The following NFIA variants were observed in gnomAD, a reference collection of about 807,000 sequenced individuals.
The protein encoded by NFIA is nuclear factor 1 A-type.
NFIA carries 8 observed loss-of-function variants against 62.8 expected under a neutral mutation model. The observed-to-expected ratio is 0.13, with a 90% CI of 0.07 to 0.23. The LOEUF (loss-of-function observed/expected upper bound fraction) is 0.23, where lower values mean the gene tolerates loss of function less well. NFIA is among the 10% of genes least tolerant of loss of function. The pLI is 1.00. For missense variants in NFIA, 410 were observed against 642.1 expected (o/e 0.64, Z 3.91); for synonymous variants, 235 against 238.1 (o/e 0.99, Z 0.12).
intron 7 of NFIA, among the ~76,000 whole-genome samples, chr1:61,401,707 T>G (rs1214432983): frequency 6.6e-6 from 1 of 152,244 alleles, no homozygotes; most frequent in Non-Finnish European, 1.5e-5. Flanking sequence ...CCTTTGTGTT[T>G]GGCATTCTGC....
intron 2 of NFIA, among the ~76,000 whole-genome samples, chr1:61,144,998 A>C (rs1647822305): frequency 6.6e-6 from 1 of 152,178 alleles, no homozygotes; most frequent in African/African-American, 2.4e-5. Context: ...CATCAGTCAG[A>C]GTATGACATT....
At chr1:61,120,806 G>A (rs1481053748) in intron 2 of NFIA, among the ~76,000 whole-genome samples, 3 of 152,108 alleles carry the variant, frequency 2.0e-5, no homozygotes, top group Admixed American at 6.6e-5. Context: ...AAGGAGAATG[G>A]AAATATTGGA....
chr1:61,422,331 T>C (rs1161349805), intron 9 of NFIA, among the ~76,000 whole-genome samples: 3 of 152,144 alleles, frequency 2.0e-5, no homozygotes, highest in African/African-American at 7.2e-5. Flanking sequence ...TCTTCTTCAG[T>C]CATATTTTTT....
intron 2 of NFIA, among the ~76,000 whole-genome samples, chr1:61,107,709 A>T (rs1055513408): frequency 6.6e-6 from 1 of 151,570 alleles, no homozygotes; most frequent in Admixed American, 6.6e-5. Context: ...TCACATGGTT[A>T]TTGCTTTTTT....
rs972300593 is a variant in NFIA, at chr1:61,460,590, A to G, written c.*5270A>G. Reference sequence around the variant, plus strand: ...TGGTATCTACTTTCCGTTTACTTCAATCCTTGCCTTTTTGGTCATTGTTAT... The same window carrying G: ...TGGTATCTACTTTCCGTTTACTTCAGTCCTTGCCTTTTTGGTCATTGTTAT... On this transcript the variant is annotated 3_prime_UTR_variant, in exon 11 of 11. Transcript: ENST00000403491. 1 of 152,242 alleles carries G rather than the reference A, an allele frequency of 6.6e-6. No individual in the cohort carries two copies. The highest frequency in any genetic ancestry group is 1.5e-5 in the Non-Finnish European group (1 of 68,040). 9.4% of individuals were successfully genotyped at this position (152,242 alleles called of 1,614,324 possible).
At chr1:61,403,939 C>A in intron 7 of NFIA, 165 bp from the exon 8 acceptor site, 1 of 714,546 alleles carries the variant, frequency 1.4e-6, no homozygotes, top group Non-Finnish European at 2.3e-6. Context: ...TGTCTTAGAG[C>A]CTTAAGGAAG....
chr1:61,248,320 G>A (rs760174208), intron 2 of NFIA, among the ~76,000 whole-genome samples: 5 of 152,090 alleles, frequency 3.3e-5, no homozygotes, highest in Admixed American at 2.6e-4. Flanking sequence ...AAAAGGCTTC[G>A]GTGAGATGGA....
rs772060476 is a variant in NFIA, at chr1:61,277,572, C to A, written c.612C>A (p.Asp204Glu). 10 of 1,613,776 alleles carry A rather than the reference C, an allele frequency of 6.2e-6. No individual in the cohort carries two copies. In the South Asian group the frequency reaches 1.1e-4, roughly 18 times the overall value. Residue 204 changes from aspartate (D) to glutamate (E), a missense_variant, in exon 3 of 11, where the codon GAC becomes GAA. Coordinates refer to ENST00000403491, the MANE Select transcript of NFIA (RefSeq NM_001134673.4). Reference protein sequence around the residue: ...PSQPSDADIKDQPENGHLGFQ... With the variant: ...PSQPSDADIKEQPENGHLGFQ... ...AGCCAAGTGACGCTGACATTAAGGA[C>A]CAGCCAGAAAATGGTAAGTTTAGCT... is the stretch of plus-strand genomic sequence containing the variant.
At chr1:61,110,169 C>T (rs1199574132) in intron 2 of NFIA, among the ~76,000 whole-genome samples, 1 of 151,836 alleles carries the variant, frequency 6.6e-6, no homozygotes, top group Non-Finnish European at 1.5e-5. Flanking sequence ...AATGAGATGA[C>T]TCTGCCTGGT....
At chr1:61,180,176 C>A (rs1038275949) in intron 2 of NFIA, among the ~76,000 whole-genome samples, 1 of 152,112 alleles carries the variant, frequency 6.6e-6, no homozygotes, top group African/African-American at 2.4e-5. Context: ...ATTCCTTCAC[C>A]CCACCCACCC....
At chr1:61,122,324 G>A (rs1646900609) in intron 2 of NFIA, among the ~76,000 whole-genome samples, 1 of 152,228 alleles carries the variant, frequency 6.6e-6, no homozygotes. Context: ...GAGTTATAGT[G>A]CAGTAAGACT....
chr1:61,438,069 ATAG>A (rs1411251875), intron 10 of NFIA, among the ~76,000 whole-genome samples: 1 of 152,138 alleles, frequency 6.6e-6, no homozygotes, highest in African/African-American at 2.4e-5. Context: ...TTTATAGGCA[ATAG>A]TAGCATTGAG....
chr1:61,426,095 AC>A (rs1251605837), intron 9 of NFIA, among the ~76,000 whole-genome samples: 1 of 152,048 alleles, frequency 6.6e-6, no homozygotes, highest in Non-Finnish European at 1.5e-5. Context: ...TCCCCTTCCT[AC>A]CTAATTTCTT....
At chr1:61,285,048 A>G (rs1186079941) in intron 3 of NFIA, among the ~76,000 whole-genome samples, 2 of 152,240 alleles carry the variant, frequency 1.3e-5, no homozygotes, top group African/African-American at 4.8e-5. Flanking sequence ...TTTATGCAGT[A>G]TTTGAATTGG....
intron 6 of NFIA, among the ~76,000 whole-genome samples, chr1:61,380,049 A>G (rs919291884): frequency 6.6e-6 from 1 of 152,210 alleles, no homozygotes; most frequent in Non-Finnish European, 1.5e-5. Context: ...TAGCTTAGAA[A>G]AAAATGGCAG....
At chr1:61,203,707 A>G (rs1183784971) in intron 2 of NFIA, among the ~76,000 whole-genome samples, 1 of 152,094 alleles carries the variant, frequency 6.6e-6, no homozygotes, top group Non-Finnish European at 1.5e-5. Context: ...GGTCTCCTAC[A>G]CCGGGCCATG....
intron 2 of NFIA, among the ~76,000 whole-genome samples, chr1:61,219,722 A>AAAAAAAG (rs796341948): frequency 1.3e-5 from 2 of 148,974 alleles, no homozygotes; most frequent in African/African-American, 5.1e-5. Flanking sequence ...TCAAAAAAAA[A>AAAAAAAG]AAAAGAAAAA....
chr1:61,111,008 AAGT>A (rs747266465), intron 2 of NFIA, among the ~76,000 whole-genome samples: 6 of 152,250 alleles, frequency 3.9e-5, no homozygotes, highest in Non-Finnish European at 8.8e-5. Context: ...AAATTAAAAT[AAGT>A]AGAGGCTCTC....
At chr1:61,091,231 C>T (rs1035521077) in intron 2 of NFIA, among the ~76,000 whole-genome samples, 7 of 151,722 alleles carry the variant, frequency 4.6e-5, no homozygotes, top group Non-Finnish European at 8.8e-5. Flanking sequence ...TCTTCTTTTC[C>T]TTCTGAAATT....
Sources: gnomAD v4.1 joint callset for allele counts (sites outside exome capture counted in the v4.1 genomes callset) on GRCh38, gnomAD v4.1.1 for gene constraint, MANE v1.5 for transcripts, NCBI Gene and HGNC (gene_info 2026-07-23, HGNC 2026-07-21) for gene names.